The following MYO1H variants were observed in gnomAD, a reference collection of about 807,000 sequenced individuals.
The protein encoded by MYO1H is unconventional myosin-Ih.
MYO1H carries 118 observed loss-of-function variants against 149.3 expected under a neutral mutation model. The observed-to-expected ratio is 0.79, with a 90% CI of 0.68 to 0.92. The LOEUF is 0.92. Among genes scored for constraint, MYO1H ranks in the 40% least tolerant of loss-of-function variants. The pLI is 0.00. For synonymous variants in MYO1H, 447 were observed against 465.2 expected, an observed-to-expected ratio of 0.96 and a Z score of 0.50; for missense variants, 1,212 against 1,280.7, an observed-to-expected ratio of 0.95 and a Z score of 0.82.
the MYO1H span, among the ~76,000 whole-genome samples, chr12:109,332,796 C>T: frequency 2.0e-5 from 3 of 152,134 alleles, no homozygotes; most frequent in Non-Finnish European, 2.9e-5. Flanking sequence ...TTGCCCAAAA[C>T]TGGTCTCAAA....
chr12:109,337,137 C>T, the MYO1H span, among the ~76,000 whole-genome samples: 5 of 152,166 alleles, frequency 3.3e-5, no homozygotes, highest in Non-Finnish European at 7.4e-5. Context: ...TACATTGTAA[C>T]TTTTCATGTC....
At chr12:109,320,403 A>G in the MYO1H span, among the ~76,000 whole-genome samples, 3 of 140,160 alleles carry the variant, frequency 2.1e-5, no homozygotes, top group East Asian at 2.2e-4. Flanking sequence ...TGAGGACAGG[A>G]GTTCCAGACT....
At chr12:109,376,705 A>G (rs1304553216) in intron 1 of MYO1H, among the ~76,000 whole-genome samples, 1 of 152,256 alleles carries the variant, frequency 6.6e-6, no homozygotes, top group Non-Finnish European at 1.5e-5. Flanking sequence ...GTTTTACAGT[A>G]TGGCTTGGTA....
At chr12:109,357,361 T>G (rs2304548) in intron 1 of MYO1H, 66,642 of 152,146 alleles carry the variant, frequency 0.44, 15,222 homozygotes, top group African/African-American at 0.55. Context: ...GGGTTATATT[T>G]GAAATTCCAC....
chr12:109,423,156 TTTTA>T (rs146587839), intron 16 of MYO1H, among the ~76,000 whole-genome samples: 10,171 of 152,078 alleles, frequency 0.067, 370 homozygotes, highest in South Asian at 0.11. Context: ...ATTTTAATCA[TTTTA>T]TTTATTTATT....
At chr12:109,351,425 G>C (rs1409116970) in intron 1 of MYO1H, among the ~76,000 whole-genome samples, 1 of 152,162 alleles carries the variant, frequency 6.6e-6, no homozygotes, top group Non-Finnish European at 1.5e-5. Flanking sequence ...TTTCACCGCA[G>C]ACACTTATGA....
intron 12 of MYO1H, among the ~76,000 whole-genome samples, chr12:109,410,358 T>A (rs1249159140): frequency 2.0e-5 from 3 of 152,012 alleles, no homozygotes; most frequent in Non-Finnish European, 2.9e-5. Flanking sequence ...CCCAGGCTGG[T>A]CTCGAACTCC....
At chr12:109,436,533 A>G (rs1225015477) in exon 22 of MYO1H, 1 of 1,610,174 alleles carries the variant, frequency 6.2e-7, no homozygotes, top group South Asian at 1.1e-5. Context: ...GGAAGGAGAG[A>G]ATACGTGAAA....
the MYO1H span, among the ~76,000 whole-genome samples, chr12:109,311,804 C>T: frequency 2.0e-5 from 3 of 152,278 alleles, no homozygotes; most frequent in South Asian, 2.1e-4. Flanking sequence ...ACGATTTCTA[C>T]GAGGCCCAAC....
At position 109,447,291 on chromosome 12, in the gene MYO1H, C is replaced by T. The variant is rs937338901; in HGVS notation, c.*109C>T. 7 of 955,660 alleles carry T rather than the reference C, an allele frequency of 7.3e-6. No individual in the cohort carries two copies. In the East Asian group the frequency reaches 7.8e-5, roughly 11 times the overall value. 59.2% of individuals were successfully genotyped at this position (955,660 alleles called of 1,614,324 possible). A position where few individuals can be genotyped will look rare whatever the true frequency, so the allele number is the denominator to read the frequency against. Reference sequence around the variant, plus strand: ...AGCTACCTCTTCAAGGTACCAGGCCCGCAGCACTAACAGATCACATCTGAA... The same window carrying T: ...AGCTACCTCTTCAAGGTACCAGGCCTGCAGCACTAACAGATCACATCTGAA... On this transcript the variant is annotated 3_prime_UTR_variant, in exon 32 of 32. Coordinates refer to ENST00000310903, the Ensembl canonical transcript of MYO1H.
In MYO1H at chr12:109,406,849, A is replaced by G; in HGVS notation, c.1024A>G (p.Lys342Glu). 1 of 1,613,860 alleles carries G rather than the reference A, an allele frequency of 6.2e-7. No individual in the cohort carries two copies. The highest frequency in any genetic ancestry group is 1.3e-5 in the African/African-American group (1 of 75,032). Residue 342 changes from lysine (K) to glutamate (E), a missense_variant, in exon 9 of 32, where the codon AAA becomes GAA. Physicochemically the swap from Lys to Glu is moderately conservative, Grantham distance 56. Transcript: ENST00000310903. Reference sequence around the variant, plus strand: ...TCTCACCCACAGAAAAATTGAAGCCAAAACTGAGGAGGTAAAAATGGCTAT... The same window carrying G: ...TCTCACCCACAGAAAAATTGAAGCCGAAACTGAGGAGGTAAAAATGGCTAT...
the MYO1H span, among the ~76,000 whole-genome samples, chr12:109,321,331 C>G: frequency 6.6e-6 from 1 of 152,130 alleles, no homozygotes; most frequent in Non-Finnish European, 1.5e-5. Context: ...AAGCAGATCA[C>G]TTGAGGTCAG....
chr12:109,396,939 T>C (rs1419583958), intron 4 of MYO1H, among the ~76,000 whole-genome samples: 3 of 146,438 alleles, frequency 2.0e-5, no homozygotes, highest in African/African-American at 7.5e-5. Flanking sequence ...GCAATTCTCC[T>C]GCTTCAGCTT....
the MYO1H span, among the ~76,000 whole-genome samples, chr12:109,317,079 T>C: frequency 2.0e-5 from 3 of 152,198 alleles, no homozygotes; most frequent in South Asian, 6.2e-4. Context: ...TGAGCTGGGA[T>C]GTGTTGATTG....
At chr12:109,382,888 TG>T (rs1185214779) in intron 1 of MYO1H, among the ~76,000 whole-genome samples, 1 of 147,480 alleles carries the variant, frequency 6.8e-6, no homozygotes, top group Non-Finnish European at 1.5e-5. Context: ...ATTAAAATAA[TG>T]ATATATATAA....
chr12:109,424,445 C>T (rs923474997), intron 16 of MYO1H, among the ~76,000 whole-genome samples: 4 of 152,214 alleles, frequency 2.6e-5, no homozygotes, highest in Non-Finnish European at 5.9e-5. Context: ...TGAGCCCCAC[C>T]ATTCCTGGCC....
At chr12:109,442,728 G>A (rs1466714701) in intron 27 of MYO1H, among the ~76,000 whole-genome samples, 1 of 151,168 alleles carries the variant, frequency 6.6e-6, no homozygotes, top group African/African-American at 2.4e-5. Flanking sequence ...GGCGAGAGGT[G>A]CTCAGGCTGC....
exon 30 of MYO1H, chr12:109,444,471 G>A: frequency 6.2e-7 from 1 of 1,613,984 alleles, no homozygotes. Flanking sequence ...GTTTGAAGCA[G>A]TTACTAAACT....
At chr12:109,352,597 C>T (rs1278002001) in intron 1 of MYO1H, among the ~76,000 whole-genome samples, 1 of 152,102 alleles carries the variant, frequency 6.6e-6, no homozygotes, top group Non-Finnish European at 1.5e-5. Flanking sequence ...TATTTTTCTC[C>T]CCGACATGTA....
Sources: gnomAD v4.1 joint callset for allele counts (sites outside exome capture counted in the v4.1 genomes callset) on GRCh38, gnomAD v4.1.1 for gene constraint, MANE v1.5 for transcripts, NCBI Gene and HGNC (gene_info 2026-07-23, HGNC 2026-07-21) for gene names.